HDAC7: variants seen among roughly 807,000 people sequenced by gnomAD.
HDAC7 encodes the protein histone deacetylase 7, also known as histone deacetylase 7A.
In HDAC7, 26 loss-of-function variants were observed where a neutral mutation model predicts 115.5. The ratio of observed to expected loss-of-function variants is 0.23; its 90% CI spans 0.16 to 0.31. The LOEUF is 0.31. Ranked by LOEUF, HDAC7 falls within the 10% of genes least tolerant of loss-of-function variation. The pLI is 1.00. For synonymous variants in HDAC7, 564 were observed against 550.9 expected (o/e 1.02, Z -0.33); for missense variants, 1,068 against 1,329.0 (o/e 0.80, Z 3.05).
At position 47,798,445 on chromosome 12, in the gene HDAC7, C is replaced by T; in HGVS notation, c.349+117G>A. ...AGAGCCCAGGCAAGCAGAGGGAAAG[C>T]CTCGGCTCAGGCCCAGCTGGCTGCG... On this transcript the variant is annotated intron_variant, in intron 4 of 25. Transcript: ENST00000080059. This position sits in a 1 kb window ranked among gnomAD's most constrained non-coding sequence, Gnocchi z 4.3. 1 of 951,460 alleles carries T rather than the reference C, an allele frequency of 1.1e-6. No individual in the cohort carries two copies. The highest frequency in any genetic ancestry group is 1.6e-6 in the Non-Finnish European group (1 of 611,386). The allele number at this position is 951,460 out of a possible 1,614,324, so 58.9% of individuals were successfully genotyped here. A position where few individuals can be genotyped will look rare whatever the true frequency, so the allele number is the denominator to read the frequency against.
At chr12:47,801,452 C>G (rs538627126) in intron 2 of HDAC7, among the ~76,000 whole-genome samples, 2 of 152,072 alleles carry the variant, frequency 1.3e-5, no homozygotes, top group Admixed American at 1.3e-4. Context: ...TCATTGGGCA[C>G]TGGTCACATT....
rs1337856451 is a variant in HDAC7, at chr12:47,798,231, G to C, written c.350-12C>G. ...GCTGGCTACAGCACCTGTAGGGGCA[G>C]AGTCAGGAGGGGGCTGGAGGTGGGT... On this transcript the variant is annotated splice_polypyrimidine_tract_variant and intron_variant, in intron 4 of 25. Coordinates refer to ENST00000080059, the MANE Select transcript of HDAC7 (RefSeq NM_015401.5). The surrounding 1 kb of genome is among the most constrained non-coding windows in gnomAD (Gnocchi z 4.3). The C allele has an allele frequency of 3.1e-6, 5 of 1,601,204 alleles. No individual in the cohort carries two copies. Among genetic ancestry groups the C allele is most frequent in the Non-Finnish European group, 3.4e-6 (4 of 1,168,752 alleles).
intron 19 of HDAC7, 75 bp downstream of exon 19, chr12:47,789,186 C>A: frequency 1.8e-6 from 2 of 1,131,400 alleles, no homozygotes; most frequent in Non-Finnish European, 2.7e-6. Flanking sequence ...GACATGAAGC[C>A]GCATCTCTAA....
intron 1 of HDAC7, among the ~76,000 whole-genome samples, chr12:47,804,777 T>C (rs577737649): frequency 3.9e-5 from 6 of 152,252 alleles, no homozygotes; most frequent in Middle Eastern, 3.4e-3. Context: ...CCTGTTCCAA[T>C]AGGTGCACCC....
chr12:47,785,331 G>A (rs1317987926), intron 24 of HDAC7, 56 bp downstream of exon 24: 1 of 1,454,482 alleles, frequency 6.9e-7, no homozygotes, highest in Non-Finnish European at 9.4e-7. Flanking sequence ...GGTGGGGCAG[G>A]GTACCACCAA....
chr12:47,790,594 A>G (rs1019885479), intron 16 of HDAC7: 4 of 156,202 alleles, frequency 2.6e-5, no homozygotes, highest in Admixed American at 1.9e-4. Flanking sequence ...ACTGGCTCCC[A>G]AAGTCCCCCA....
chr12:47,782,832 A>G lies in HDAC7; in HGVS notation c.*1009T>C, dbSNP rs1488548059. The stretch of plus-strand genomic sequence containing the variant: ...GGTGGGTCCTAGGAAAGACACACAC[A>G]CACGCCTCACTCACACACACGCTCA... On this transcript the variant is annotated 3_prime_UTR_variant, in exon 26 of 26. Transcript: ENST00000080059. 1 of 148,386 alleles carries G rather than the reference A, an allele frequency of 6.7e-6. No individual in the cohort carries two copies. Among genetic ancestry groups the G allele is most frequent in the African/African-American group, 2.6e-5 (1 of 38,976 alleles). The allele number at this position is 148,386 out of a possible 1,614,324, so 9.2% of individuals were successfully genotyped here. A position where few individuals can be genotyped will look rare whatever the true frequency, so the allele number is the denominator to read the frequency against.
rs1829178586 is a variant in HDAC7 at position 47,788,206 on chromosome 12, TG to T, written c.2236-43del. ...GCAGCGATTAGGGAAGGCAGAGAGA[TG>T]GGGGCCAGGACAGGTTAGAAGGGTT... On this transcript the variant is annotated intron_variant, in intron 19 of 25. Transcript: ENST00000080059. 2.5e-6 allele frequency: 4 copies of T among 1,572,960 alleles called. No individual in the cohort carries two copies. The African/African-American group carries it at 4.1e-5, about 16-fold the overall frequency.
intron 1 of HDAC7, among the ~76,000 whole-genome samples, chr12:47,802,805 G>A (rs910377807): frequency 9.2e-5 from 14 of 152,166 alleles, no homozygotes; most frequent in Admixed American, 8.5e-4. Flanking sequence ...AGGGGACACA[G>A]AGGTTTCCAG....
chr12:47,785,950 T>C, intron 22 of HDAC7, 65 bp from the exon 23 acceptor site: 1 of 1,454,868 alleles, frequency 6.9e-7, no homozygotes. Context: ...TCTCTACCCC[T>C]GTGGCTTCCC....
chr12:47,792,654 C>T (rs754242480), intron 13 of HDAC7: 6 of 456,018 alleles, frequency 1.3e-5, no homozygotes, highest in South Asian at 9.3e-5. Flanking sequence ...AGGAATGCTA[C>T]TTCTTTAGAG....
At position 47,819,832 on chromosome 12, in the gene HDAC7, G is replaced by T; in HGVS notation, c.-47C>A. On this transcript the variant is annotated 5_prime_UTR_variant, in exon 1 of 26. Coordinates refer to ENST00000080059, the MANE Select transcript of HDAC7 (RefSeq NM_015401.5). ...GCGGGGGGCTCATGGCGGGGCGGGG[G>T]GCTGGGGCGCCGGCCTCACATCCCC... is the stretch of plus-strand genomic sequence containing the variant. 1 of 196,650 alleles carries T rather than the reference G, an allele frequency of 5.1e-6. No homozygotes were observed. The highest frequency in any genetic ancestry group is 1.6e-4 in the South Asian group (1 of 6,064). 12.2% of individuals were successfully genotyped at this position (196,650 alleles called of 1,614,324 possible). A position where few individuals can be genotyped will look rare whatever the true frequency, so the allele number is the denominator to read the frequency against.
chr12:47,806,301 G>A (rs531142190), intron 1 of HDAC7, among the ~76,000 whole-genome samples: 2 of 152,366 alleles, frequency 1.3e-5, no homozygotes, highest in South Asian at 2.1e-4. Flanking sequence ...TTTAAGCCCC[G>A]ACTCCCTCGG....
Position 47,789,848 on chromosome 12 carries a change from C to A in HDAC7, c.2056G>T (p.Asp686Tyr). The change falls in exon 17 of 26, where the codon GAC (aspartate) becomes TAC (tyrosine). Residue 686 changes from aspartate to tyrosine, a missense_variant. Around this residue, in one of 6 missense-constraint regions of HDAC7, gnomAD observed 182 missense variants for 301.1 expected, o/e 0.60. Transcript: ENST00000080059. ...AARWAAGSVT[D>Y]LAFKVASREL... The stretch of plus-strand genomic sequence containing the variant: ...CGAGAAGCCACTTTGAAGGCGAGGT[C>A]AGTGACACTGCCAGCGGCCCAGCGG... 1 of 1,613,902 alleles carries A rather than the reference C, an allele frequency of 6.2e-7. No homozygotes were observed. The highest frequency in any genetic ancestry group is 1.1e-5 in the South Asian group (1 of 91,078).
In HDAC7 at chr12:47,804,360, T is replaced by C. The variant is rs375446838; in HGVS notation, c.20-2086A>G. Among the ~76,000 whole-genome samples, 23 of 152,156 alleles carry C rather than the reference T, an allele frequency of 1.5e-4. No individual in the cohort carries two copies. The East Asian group carries it at 2.1e-3, about 14-fold the overall frequency. On this transcript the variant is annotated intron_variant, in intron 1 of 25. Coordinates refer to ENST00000080059, the MANE Select transcript of HDAC7 (RefSeq NM_015401.5). ...AGATTAAGACCCAGGAACAGCTCTC[T>C]TTGTGTCCTAGAGAGAGGAAAGGTA...
At chr12:47,820,081 CG>C (rs1944981495), upstream of HDAC7, 1 of 151,306 alleles carries the variant, frequency 6.6e-6, no homozygotes, top group African/African-American at 2.4e-5. This position sits in a 1 kb window ranked among gnomAD's most constrained non-coding sequence, Gnocchi z 4.3. Flanking sequence ...GGCGCACAGG[CG>C]GGCCGCAGAC....
intron 1 of HDAC7, among the ~76,000 whole-genome samples, chr12:47,814,267 A>C (rs895364077): frequency 6.6e-6 from 1 of 151,960 alleles, no homozygotes; most frequent in South Asian, 2.1e-4. Flanking sequence ...TCTGGTCCCA[A>C]CCCCAGCCTT....
At position 47,798,085 on chromosome 12, in the gene HDAC7, A is replaced by C. The variant is rs772950325; in HGVS notation, c.461+23T>G. ...GGTGGAGGGTGCATGTGGGGACAGGAGGGCAGGTGAGGAGGGTGTTACCTG... is the reference window on the plus strand; with the variant it reads ...GGTGGAGGGTGCATGTGGGGACAGGCGGGCAGGTGAGGAGGGTGTTACCTG... On this transcript the variant is annotated intron_variant, in intron 5 of 25. Transcript: ENST00000080059. This position sits in a 1 kb window ranked among gnomAD's most constrained non-coding sequence, Gnocchi z 4.3. The C allele has an allele frequency of 1.3e-6, 2 of 1,539,052 alleles. No homozygotes were observed. Among genetic ancestry groups the C allele is most frequent in the East Asian group, 2.2e-5 (1 of 44,504 alleles).
In HDAC7 at chr12:47,795,221, C is replaced by A. The variant is rs757098292; in HGVS notation, c.1247G>T (p.Arg416Leu). ...GACGTGAGTTTTGAGCTGCTCCAGG[C>A]GGGGCTGCATGGGGCCCGGCGGTGG... ...APPPPGPMQPRLEQLKTHVQV... is the reference protein window; with the variant it reads ...APPPPGPMQPLLEQLKTHVQV... Residue 416 changes from arginine to leucine, a missense_variant, in exon 11 of 26, where the codon CGC (arginine) becomes CTC (leucine). Arg to Leu is a moderately radical substitution (Grantham distance 102). Coordinates refer to ENST00000080059, the MANE Select transcript of HDAC7 (RefSeq NM_015401.5). The surrounding 1 kb of genome is among the most constrained non-coding windows in gnomAD (Gnocchi z 4.3). 6.2e-7 allele frequency: 1 copy of A among 1,612,962 alleles called. No homozygotes were observed. Among genetic ancestry groups the A allele is most frequent in the East Asian group, 2.2e-5 (1 of 44,872 alleles).
Sources: gnomAD v4.1 joint callset for allele counts (sites outside exome capture counted in the v4.1 genomes callset) on GRCh38, gnomAD v4.1.1 for gene constraint, gnomAD v4.1.1 regional missense constraint, Gnocchi (gnomAD v3.1) non-coding constraint, MANE v1.5 for transcripts, NCBI Gene and HGNC (gene_info 2026-07-23, HGNC 2026-07-21) for gene names.